The following TAFA2 variants were observed in gnomAD, a reference collection of about 807,000 sequenced individuals.
TAFA2 encodes TAFA chemokine like family member 2, also known as chemokine-like protein TAFA-2.
In TAFA2, 7 loss-of-function variants were observed where a neutral mutation model predicts 18.8. The ratio of observed to expected loss-of-function variants is 0.37; its 90% CI spans 0.21 to 0.70. TAFA2 has a LOEUF of 0.70. Among genes scored for constraint, TAFA2 ranks in the 30% least tolerant of loss-of-function variants. The probability of loss-of-function intolerance (pLI) is 0.53; values close to 1 mark genes in which losing one functional copy is unlikely to be tolerated. For missense variants in TAFA2, 122 were observed against 158.1 expected, an observed-to-expected ratio of 0.77 and a Z score of 1.23; for synonymous variants, 60 against 54.2, an observed-to-expected ratio of 1.11 and a Z score of -0.47.
At chr12:61,873,131 A>G (rs1393040888) in intron 1 of TAFA2, among the ~76,000 whole-genome samples, 1 of 152,176 alleles carries the variant, frequency 6.6e-6, no homozygotes, top group African/African-American at 2.4e-5. Context: ...GAGTTTTTTA[A>G]TGGAGAAGTT....
chr12:61,797,995 C>T (rs1871254911), intron 2 of TAFA2, among the ~76,000 whole-genome samples: 1 of 152,116 alleles, frequency 6.6e-6, no homozygotes, highest in Non-Finnish European at 1.5e-5. Flanking sequence ...GTGTAATGGG[C>T]ATGAATCTAT....
chr12:61,869,394 A>C (rs1874497868), intron 1 of TAFA2, among the ~76,000 whole-genome samples: 1 of 152,238 alleles, frequency 6.6e-6, no homozygotes, highest in African/African-American at 2.4e-5. Context: ...CATAGCAAAT[A>C]ATAAATGCTC....
intron 1 of TAFA2, among the ~76,000 whole-genome samples, chr12:62,003,978 T>G (rs1214840691): frequency 6.6e-6 from 1 of 152,170 alleles, no homozygotes; most frequent in Non-Finnish European, 1.5e-5. Context: ...AAAGTTAATC[T>G]CTACATTTGC....
intron 1 of TAFA2, among the ~76,000 whole-genome samples, chr12:62,174,790 T>G (rs2062501020): frequency 6.6e-6 from 1 of 152,230 alleles, no homozygotes; most frequent in African/African-American, 2.4e-5. Flanking sequence ...TCATTTTGAA[T>G]ACGAATATTT....
intron 1 of TAFA2, among the ~76,000 whole-genome samples, chr12:62,010,879 TTC>T (rs1880727933): frequency 1.4e-5 from 1 of 69,444 alleles, no homozygotes; most frequent in African/African-American, 5.7e-5. Flanking sequence ...CCGGCCGCCC[TTC>T]GTCTGGGAGG....
intron 4 of TAFA2, among the ~76,000 whole-genome samples, chr12:61,724,790 T>G (rs1256571454): frequency 0.046 from 3,630 of 79,344 alleles, 93 homozygotes; most frequent in African/African-American, 0.13. Flanking sequence ...TGTGTGTGTG[T>G]GTGTGTGTGT....
intron 2 of TAFA2, among the ~76,000 whole-genome samples, chr12:61,770,016 C>T (rs1869957937): frequency 6.6e-6 from 1 of 151,920 alleles, no homozygotes; most frequent in Admixed American, 6.6e-5. Flanking sequence ...ACGAGAAAAT[C>T]TCTAAAGAAA....
intron 2 of TAFA2, among the ~76,000 whole-genome samples, chr12:61,826,571 T>C (rs2121074155): frequency 6.6e-6 from 1 of 152,152 alleles, no homozygotes; most frequent in Admixed American, 6.6e-5. Flanking sequence ...ACAAAGCAAA[T>C]AATTTATGAA....
chr12:62,136,278 T>C (rs1248524783), intron 1 of TAFA2, among the ~76,000 whole-genome samples: 1 of 152,134 alleles, frequency 6.6e-6, no homozygotes. Context: ...TGACCCACAA[T>C]TGTTGTGAAT....
chr12:62,033,752 T>C (rs1466096388), intron 1 of TAFA2, among the ~76,000 whole-genome samples: 1 of 152,032 alleles, frequency 6.6e-6, no homozygotes, highest in African/African-American at 2.4e-5. Context: ...CAGCCTGAGA[T>C]GCCTTTCCCT....
chr12:61,710,965 T>C (rs1170958261), intron 4 of TAFA2, among the ~76,000 whole-genome samples: 1 of 151,726 alleles, frequency 6.6e-6, no homozygotes, highest in African/African-American at 2.4e-5. Flanking sequence ...AAAATCTGTT[T>C]ATGGGGGACA....
chr12:62,093,697 T>C (rs1231774896), intron 1 of TAFA2, among the ~76,000 whole-genome samples: 1 of 152,028 alleles, frequency 6.6e-6, no homozygotes, highest in Non-Finnish European at 1.5e-5. Flanking sequence ...AACTCCATCT[T>C]CAAAAACAGC....
At chr12:62,147,504 C>A (rs2062293908) in intron 1 of TAFA2, among the ~76,000 whole-genome samples, 1 of 149,934 alleles carries the variant, frequency 6.7e-6, no homozygotes, top group Admixed American at 6.6e-5. Flanking sequence ...CTGAGGCGGG[C>A]AGATCACAAG....
At chr12:61,848,328 T>G (rs549663466) in intron 2 of TAFA2, among the ~76,000 whole-genome samples, 5 of 152,354 alleles carry the variant, frequency 3.3e-5, no homozygotes, top group African/African-American at 1.2e-4. Flanking sequence ...TCATTTTAAA[T>G]AATGTGCTCA....
intron 1 of TAFA2, chr12:62,234,342 G>A (rs937340193): frequency 5.5e-6 from 3 of 546,964 alleles, no homozygotes; most frequent in African/African-American, 3.8e-5. Context: ...CTGAGCAGTT[G>A]CCAGGTCCAG....
intron 1 of TAFA2, among the ~76,000 whole-genome samples, chr12:61,928,349 G>A (rs774368246): frequency 6.6e-6 from 1 of 152,082 alleles, no homozygotes; most frequent in East Asian, 1.9e-4. Context: ...TCAAAAAGTG[G>A]GCAAAAGATA....
chr12:62,256,970 G>T (rs1319919992), intron 1 of TAFA2, among the ~76,000 whole-genome samples: 2 of 152,080 alleles, frequency 1.3e-5, no homozygotes, highest in Non-Finnish European at 2.9e-5. Flanking sequence ...GAATGAGGGG[G>T]TGGTAGGGTC....
chr12:62,243,842 AG>A lies in TAFA2; in HGVS notation c.-130+14920del, dbSNP rs1450146703. ...ATCACCCAGACTGAAGGGCAGTGGT[AG>A]CATCATGGCTCACTGCAGCCTTGAC... On this transcript the variant is annotated intron_variant, in intron 1 of 5. Transcript: ENST00000551619. Among the ~76,000 whole-genome samples the A allele has an allele frequency of 7.9e-5, 12 of 152,178 alleles. 1 individual carries two copies. The highest frequency in any genetic ancestry group is 5.2e-4 in the Admixed American group (8 of 15,274).
At chr12:61,916,440 T>C (rs1278113001) in intron 1 of TAFA2, among the ~76,000 whole-genome samples, 2 of 152,204 alleles carry the variant, frequency 1.3e-5, no homozygotes, top group Admixed American at 6.5e-5. Flanking sequence ...GTAACCGACA[T>C]ACAGAAAAGG....
Sources: gnomAD v4.1 joint callset for allele counts (sites outside exome capture counted in the v4.1 genomes callset) on GRCh38, gnomAD v4.1.1 for gene constraint, MANE v1.5 for transcripts, NCBI Gene and HGNC (gene_info 2026-07-23, HGNC 2026-07-21) for gene names.